The following RYR1 variants were observed in gnomAD, a reference collection of about 807,000 sequenced individuals.
RYR1 encodes ryanodine receptor 1.
Under a neutral mutation model 583.5 loss-of-function variants are expected in RYR1, and 342 were observed. That is an observed-to-expected ratio of 0.59 (90% CI 0.54 to 0.64). The LOEUF is 0.64. RYR1 is among the 30% of genes least tolerant of loss of function. RYR1 has a pLI of 0.00. For missense variants in RYR1, 6,032 were observed against 6,917.2 expected, an observed-to-expected ratio of 0.87 and a Z score of 4.54; for synonymous variants, 2,791 against 2,822.5, an observed-to-expected ratio of 0.99 and a Z score of 0.35.
Position 38,499,249 on chromosome 19 carries a change from G to T in RYR1, c.7027+6G>T. ...CTTTGCTGTCTTCGTCAACGGTGAG[G>T]AGGGGGTGGCAGTGGCAGAGCGGGA... On this transcript the variant is annotated splice_donor_region_variant and intron_variant, in intron 43 of 105. Coordinates refer to ENST00000359596, the MANE Select transcript of RYR1 (RefSeq NM_000540.3). The surrounding 1 kb of genome is among the most constrained non-coding windows in gnomAD (Gnocchi z 7.3). 1 of 1,614,190 alleles carries T rather than the reference G, an allele frequency of 6.2e-7. No individual in the cohort carries two copies. Among genetic ancestry groups the T allele is most frequent in the Non-Finnish European group, 8.5e-7 (1 of 1,180,010 alleles).
intron 59 of RYR1, 28 bp downstream of exon 59, chr19:38,510,593 G>C: frequency 6.2e-7 from 1 of 1,614,122 alleles, no homozygotes; most frequent in Non-Finnish European, 8.5e-7. Flanking sequence ...AAGCTGGAGG[G>C]CGCTGGGGAC....
intron 11 of RYR1, among the ~76,000 whole-genome samples, chr19:38,449,593 A>C (rs564659745): frequency 6.6e-6 from 1 of 152,382 alleles, no homozygotes; most frequent in South Asian, 2.1e-4. Context: ...TGTGTGCAGA[A>C]AATAGATGAG....
At position 38,543,312 on chromosome 19, in the gene RYR1, G is replaced by C. The variant is rs753843671; in HGVS notation, c.11690-35G>C. On this transcript the variant is annotated intron_variant, in intron 84 of 105. Coordinates refer to ENST00000359596, the MANE Select transcript of RYR1 (RefSeq NM_000540.3). This position sits in a 1 kb window ranked among gnomAD's most constrained non-coding sequence, Gnocchi z 4.4. ...CACTGTTCATCTCCCCTAGCACATG[G>C]GAGGTGCTGGATAAATGACTTTTCA... 4 of 1,558,688 alleles carry C rather than the reference G, an allele frequency of 2.6e-6. No individual in the cohort carries two copies. In the South Asian group the frequency reaches 4.5e-5, roughly 17 times the overall value.
intron 48 of RYR1, 66 bp downstream of exon 48, chr19:38,502,793 AGGGGC>A (rs2145617735): frequency 1.3e-5 from 5 of 391,532 alleles, no homozygotes; most frequent in East Asian, 5.2e-5. Flanking sequence ...GGGCAGGGGC[AGGGGC>A]AGGGGCAGGG....
intron 7 of RYR1, 114 bp from the exon 8 acceptor site, chr19:38,446,358 A>C (rs768914102): frequency 1.2e-4 from 99 of 800,808 alleles, no homozygotes; most frequent in Non-Finnish European, 1.8e-4. Context: ...CAAAACCCCA[A>C]ACTCAGCCCT....
rs759547191 is a variant in RYR1, at chr19:38,545,037, T to G, written c.12012+1162T>G. On this transcript the variant is annotated intron_variant, in intron 87 of 105. Coordinates refer to ENST00000359596, the MANE Select transcript of RYR1 (RefSeq NM_000540.3). ...TATCCACTCTACTTCTTAACAGCCC[T>G]AGAGGGAAGAGATCTCCTCTTTCCT... is the stretch of plus-strand genomic sequence containing the variant. Among the ~76,000 whole-genome samples the G allele has an allele frequency of 2.0e-5, 3 of 151,924 alleles. No homozygotes were observed. In the South Asian group the frequency reaches 6.2e-4, roughly 32 times the overall value.
rs1368251556 is a variant in RYR1, at chr19:38,580,037, A to G, written c.14420A>G (p.Asn4807Ser). 1.2e-6 allele frequency: 2 copies of G among 1,614,060 alleles called. No homozygotes were observed. Among genetic ancestry groups the G allele is most frequent in the Non-Finnish European group, 8.5e-7 (1 of 1,180,006 alleles). Residue 4807 changes from asparagine (N) to serine (S), a missense_variant, in exon 100 of 106, where the codon AAC becomes AGC. Asn to Ser is a conservative substitution (Grantham distance 46). Around this residue, in one of 11 missense-constraint regions of RYR1, gnomAD observed 189 missense variants for 350.3 expected, o/e 0.54. Transcript: ENST00000359596. ...ATGTCCCTCTTGGGACACTACAACAACTTCTTCTTTGCTGCCCATCTCCTG... is the reference window on the plus strand; with the variant it reads ...ATGTCCCTCTTGGGACACTACAACAGCTTCTTCTTTGCTGCCCATCTCCTG... ...MVMSLLGHYN[N>S]FFFAAHLLDI...
In RYR1 at chr19:38,578,009, A is replaced by G. The variant is rs1403351558; in HGVS notation, c.14264A>G (p.Asn4755Ser). 5.0e-6 allele frequency: 8 copies of G among 1,613,904 alleles called. No individual in the cohort carries two copies. Among genetic ancestry groups the G allele is most frequent in the Non-Finnish European group, 6.8e-6 (8 of 1,179,990 alleles). The part of the protein sequence containing the change: ...DLATLEITAH[N>S]ERKPNPPPGL... ...GCCACACTAGAGATCACAGCCCACA[A>G]TGAGCGCAAGCCCAACCCGCCGCCA... Residue 4755 changes from asparagine to serine, a missense_variant, in exon 98 of 106, where the codon AAT becomes AGT. Physicochemically the swap from Asn to Ser is conservative, Grantham distance 46 (BLOSUM62 1). Around this residue, in one of 11 missense-constraint regions of RYR1, gnomAD observed 188 missense variants for 215.6 expected, o/e 0.87. Coordinates refer to ENST00000359596, the MANE Select transcript of RYR1 (RefSeq NM_000540.3).
Position 38,483,935 on chromosome 19 carries a change from TAAG to T in RYR1, c.4934+425_4934+427del, listed in dbSNP as rs1261103468. Among the ~76,000 whole-genome samples the T allele has an allele frequency of 6.6e-6, 1 of 151,810 alleles. No individual in the cohort carries two copies. The highest frequency in any genetic ancestry group is 1.5e-5 in the Non-Finnish European group (1 of 67,936). ...CTCTTGGGCATATGCAGGGAGGCTT[TAAG>T]AAGAATCCCGTGGATATTTCAAACC... On this transcript the variant is annotated intron_variant, in intron 33 of 105. Coordinates refer to ENST00000359596, the MANE Select transcript of RYR1 (RefSeq NM_000540.3). This position sits in a 1 kb window ranked among gnomAD's most constrained non-coding sequence, Gnocchi z 6.3.
intron 89 of RYR1, among the ~76,000 whole-genome samples, chr19:38,553,236 A>G (rs964168126): frequency 2.0e-5 from 3 of 151,698 alleles, no homozygotes; most frequent in Non-Finnish European, 2.9e-5. Context: ...TCAGGAGGCT[A>G]AGGCAGGAGA....
At chr19:38,574,763 C>T (rs999775673) in intron 96 of RYR1, among the ~76,000 whole-genome samples, 1 of 152,168 alleles carries the variant, frequency 6.6e-6, no homozygotes, top group Admixed American at 6.6e-5. Flanking sequence ...TGGCTGGGCA[C>T]AGTGGCTCAC....
rs770800630 is a variant in RYR1 at position 38,511,543 on chromosome 19, C to T, written c.9123-18C>T. ...ACTCGCTGTTTCTCCTGCCTTCTGT[C>T]CCTTTCTCTTTCTTCAGCCTCTTCT... is the stretch of plus-strand genomic sequence containing the variant. On this transcript the variant is annotated intron_variant, in intron 60 of 105. Coordinates refer to ENST00000359596, the MANE Select transcript of RYR1 (RefSeq NM_000540.3). 2 of 1,613,520 alleles carry T rather than the reference C, an allele frequency of 1.2e-6. No individual in the cohort carries two copies. The highest frequency in any genetic ancestry group is 2.7e-5 in the African/African-American group (2 of 74,908).
Position 38,455,712 on chromosome 19 carries a change from C to T in RYR1, c.1752C>T (p.Ser584=). ...TCATCCAGGAGAATCACATCAAGTC[C>T]ATCATCTCCCTCCTGGACAAGCATG... ...LNIIQENHIK[S]IISLLDKHGR... is the part of the protein sequence containing the mutation. Residue 584 remains serine, a synonymous_variant, in exon 16 of 106, where the codon TCC becomes TCT. Transcript: ENST00000359596. 6.2e-7 allele frequency: 1 copy of T among 1,613,470 alleles called. No individual in the cohort carries two copies. The highest frequency in any genetic ancestry group is 8.5e-7 in the Non-Finnish European group (1 of 1,179,600).
At chr19:38,574,756 C>T (rs972147505) in intron 96 of RYR1, among the ~76,000 whole-genome samples, 7 of 152,088 alleles carry the variant, frequency 4.6e-5, no homozygotes, top group African/African-American at 2.4e-5. Context: ...AAACTCGTGG[C>T]TGGGCACAGT....
At chr19:38,506,779 GTGGC>G in intron 56 of RYR1, 46 bp from the exon 57 acceptor site, 1 of 1,613,524 alleles carries the variant, frequency 6.2e-7, no homozygotes, top group South Asian at 1.1e-5. Context: ...TTCAGTGAGA[GTGGC>G]CCGGGTCTTC....
intron 84 of RYR1, among the ~76,000 whole-genome samples, chr19:38,538,290 C>G (rs1972062042): frequency 6.6e-6 from 1 of 152,160 alleles, no homozygotes. Flanking sequence ...GTCCCAGCTA[C>G]TCAGGAGGCT....
chr19:38,528,199 G>A, intron 73 of RYR1, 107 bp from the exon 74 acceptor site: 1 of 923,196 alleles, frequency 1.1e-6, no homozygotes, highest in Non-Finnish European at 1.8e-6. Flanking sequence ...TGCCGTGTGA[G>A]TCTTAACCTG....
At chr19:38,460,910 G>A (rs1246982050) in intron 20 of RYR1, among the ~76,000 whole-genome samples, 1 of 152,164 alleles carries the variant, frequency 6.6e-6, no homozygotes, top group Admixed American at 6.5e-5. Flanking sequence ...GCTTGAACCC[G>A]GGAGGTGGAG....
Position 38,458,121 on chromosome 19 carries a change from A to T in RYR1, c.1996A>T (p.Met666Leu), listed in dbSNP as rs985791124. The T allele has an allele frequency of 5.6e-6, 9 of 1,613,996 alleles. No individual in the cohort carries two copies. Among genetic ancestry groups the T allele is most frequent in the Admixed American group, 1.7e-5 (1 of 60,016 alleles). Residue 666 changes from methionine to leucine, a missense_variant, in exon 18 of 106, where the codon ATG (methionine) becomes TTG (leucine). By Grantham distance (15) the Met-to-Leu change is conservative (BLOSUM62 2). Coordinates refer to ENST00000359596, the MANE Select transcript of RYR1 (RefSeq NM_000540.3). The stretch of plus-strand genomic sequence containing the variant: ...GTACAGCAAATGGTACTTTGAGGTG[A>T]TGGTGGACGAGGTGACTCCATTTCT... ...TQYSKWYFEV[M>L]VDEVTPFLTA...
Sources: gnomAD v4.1 joint callset for allele counts (sites outside exome capture counted in the v4.1 genomes callset) on GRCh38, gnomAD v4.1.1 for gene constraint, gnomAD v4.1.1 regional missense constraint, Gnocchi (gnomAD v3.1) non-coding constraint, MANE v1.5 for transcripts, NCBI Gene and HGNC (gene_info 2026-07-23, HGNC 2026-07-21) for gene names.